YTHDF3: variants seen among roughly 807,000 people sequenced by gnomAD.
YTHDF3 encodes YTH domain-containing family protein 3.
In YTHDF3, 9 loss-of-function variants were observed where a neutral mutation model predicts 52.5. That is an observed-to-expected ratio of 0.17 (90% CI 0.10 to 0.30). The LOEUF is 0.30. YTHDF3 is among the 10% of genes least tolerant of loss of function. The pLI, the probability that YTHDF3 is intolerant of heterozygous loss-of-function variation, is 1.00. For missense variants in YTHDF3, 534 were observed against 715.0 expected, an observed-to-expected ratio of 0.75 and a Z score of 2.89; for synonymous variants, 274 against 243.3, an observed-to-expected ratio of 1.13 and a Z score of -1.18.
At chr8:63,198,338 C>T (rs993587160) in intron 4 of YTHDF3, among the ~76,000 whole-genome samples, 6 of 152,098 alleles carry the variant, frequency 3.9e-5, no homozygotes, top group Admixed American at 3.9e-4. Context: ...ACAATCTGGG[C>T]TCACTGCAGT....
intron 3 of YTHDF3, among the ~76,000 whole-genome samples, chr8:63,181,754 T>C (rs943889105): frequency 3.3e-5 from 5 of 152,232 alleles, no homozygotes; most frequent in Non-Finnish European, 5.9e-5. Context: ...ACGTTCTTTA[T>C]TTTTTGTCTC....
chr8:63,203,387 C>CA (rs1809771359), intron 4 of YTHDF3, among the ~76,000 whole-genome samples: 1 of 152,134 alleles, frequency 6.6e-6, no homozygotes, highest in Non-Finnish European at 1.5e-5. Flanking sequence ...TATATACACA[C>CA]ACACATATAT....
chr8:63,186,717 A>G lies in YTHDF3; in HGVS notation c.706A>G (p.Thr236Ala), dbSNP rs1585759092. ...PPVSSAAPKPTSWAAIARKPA... is the reference protein window; with the variant it reads ...PPVSSAAPKPASWAAIARKPA... Reference sequence around the variant, plus strand: ...AGTTAGCAGTGCAGCACCTAAACCAACCTCCTGGGCTGCCATTGCCAGAAA... The same window carrying G: ...AGTTAGCAGTGCAGCACCTAAACCAGCCTCCTGGGCTGCCATTGCCAGAAA... The change falls in exon 4 of 5, where the codon ACC becomes GCC. Residue 236 changes from threonine to alanine, a missense_variant. Coordinates refer to ENST00000539294, the MANE Select transcript of YTHDF3 (RefSeq NM_152758.6). 1 of 1,613,570 alleles carries G rather than the reference A, an allele frequency of 6.2e-7. No individual in the cohort carries two copies. The highest frequency in any genetic ancestry group is 8.5e-7 in the Non-Finnish European group (1 of 1,179,820).
intron 3 of YTHDF3, 122 bp from the exon 4 acceptor site, chr8:63,186,025 C>A: frequency 9.3e-7 from 1 of 1,074,518 alleles, no homozygotes; most frequent in Non-Finnish European, 1.3e-6. Flanking sequence ...TTTTGTTTAT[C>A]TAGAATAGGT....
Position 63,186,422 on chromosome 8 carries a change from G to A in YTHDF3, c.411G>A (p.Gly137=). 1.2e-6 allele frequency: 2 copies of A among 1,614,010 alleles called. No individual in the cohort carries two copies. Among genetic ancestry groups the A allele is most frequent in the Non-Finnish European group, 1.7e-6 (2 of 1,179,890 alleles). The change falls in exon 4 of 5, where the codon GGG becomes GGA. Residue 137 remains glycine (G), a synonymous_variant. Transcript: ENST00000539294. ...GTAATGCTGATTTCTCTACATGGGG[G>A]ACAAGTGGATCTCAGGGACAATCAA... ...FPGNADFSTW[G]TSGSQGQSTQ...
chr8:63,205,436 C>CTTTTTTTTTT (rs908105956), intron 4 of YTHDF3, among the ~76,000 whole-genome samples: 1 of 139,700 alleles, frequency 7.2e-6, no homozygotes, highest in Admixed American at 7.2e-5. Flanking sequence ...CTTTTTCTTT[C>CTTTTTTTTTT]TTTTTTTTTT....
At position 63,168,863 on chromosome 8, in the gene YTHDF3, G is replaced by A; in HGVS notation, c.-15G>A. On this transcript the variant is annotated 5_prime_UTR_variant, in exon 1 of 5. Transcript: ENST00000539294. ...GGCAGCGGCGGCGGCGGCGGCTCTC[G>A]GGTTGCGGTGAAGAATGTCAGCCAC... is the stretch of plus-strand genomic sequence containing the variant. 8 of 1,554,556 alleles carry A rather than the reference G, an allele frequency of 5.1e-6. No individual in the cohort carries two copies. The highest frequency in any genetic ancestry group is 7.0e-6 in the Non-Finnish European group (8 of 1,149,286).
rs765225130 is a variant in YTHDF3, at chr8:63,186,647, G to A, written c.636G>A (p.Leu212=). 2.5e-6 allele frequency: 4 copies of A among 1,613,966 alleles called. No homozygotes were observed. The highest frequency in any genetic ancestry group is 3.4e-6 in the Non-Finnish European group (4 of 1,179,892). The change falls in exon 4 of 5, where the codon TTG becomes TTA. Residue 212 remains leucine (L), a synonymous_variant. Coordinates refer to ENST00000539294, the MANE Select transcript of YTHDF3 (RefSeq NM_152758.6). The part of the protein sequence containing the change: ...AAVTKTVGTA[L]SSSGMTSIAT... ...TGACAAAAACTGTAGGTACAGCTTT[G>A]AGCAGCAGTGGTATGACTAGCATTG...
intron 4 of YTHDF3, 140 bp from the exon 5 acceptor site, chr8:63,209,543 A>G (rs1039683702): frequency 1.2e-6 from 1 of 800,694 alleles, no homozygotes; most frequent in Non-Finnish European, 1.9e-6. Context: ...GTAATTATCA[A>G]TTGTTTTTAA....
rs1300213696 is a variant in YTHDF3, at chr8:63,212,618, A to G, written c.*2912A>G. 2 of 152,580 alleles carry G rather than the reference A, an allele frequency of 1.3e-5. No individual in the cohort carries two copies. Among genetic ancestry groups the G allele is most frequent in the South Asian group, 2.1e-4 (1 of 4,824 alleles). The allele number at this position is 152,580 out of a possible 1,614,324, so 9.5% of individuals were successfully genotyped here. A position where few individuals can be genotyped will look rare whatever the true frequency, so the allele number is the denominator to read the frequency against. ...AAGGTTATGATAAAATGATTAGTTC[A>G]TTTACATTCACTTGTAGCAATTACA... On this transcript the variant is annotated 3_prime_UTR_variant, in exon 5 of 5. Transcript: ENST00000539294.
At chr8:63,199,382 C>T (rs558793191) in intron 4 of YTHDF3, among the ~76,000 whole-genome samples, 18 of 152,276 alleles carry the variant, frequency 1.2e-4, no homozygotes, top group African/African-American at 3.8e-4. Flanking sequence ...GCATGTTTTA[C>T]ATCCCTTGAA....
At chr8:63,180,526 A>G in intron 3 of YTHDF3, among the ~76,000 whole-genome samples, 1 of 150,902 alleles carries the variant, frequency 6.6e-6, no homozygotes, top group East Asian at 2.0e-4. Flanking sequence ...CACATCCCAG[A>G]CGATGGGCGG....
chr8:63,190,809 T>G (rs979306669), intron 4 of YTHDF3, among the ~76,000 whole-genome samples: 89 of 152,246 alleles, frequency 5.8e-4, no homozygotes, highest in Non-Finnish European at 1.2e-3. Context: ...GCTCTGTGAT[T>G]CGTGAATCAC....
chr8:63,187,374 C>G lies in YTHDF3; in HGVS notation c.1363C>G (p.Leu455Val). 1.2e-6 allele frequency: 2 copies of G among 1,613,972 alleles called. No individual in the cohort carries two copies. The highest frequency in any genetic ancestry group is 1.7e-6 in the Non-Finnish European group (2 of 1,179,890). The change falls in exon 4 of 5, where the codon CTG (leucine) becomes GTG (valine). Residue 455 changes from leucine (L) to valine (V), a missense_variant. Coordinates refer to ENST00000539294, the MANE Select transcript of YTHDF3 (RefSeq NM_152758.6). ...NKRLDAAYRS[L>V]NGKGPLYLLF... is the part of the protein sequence containing the mutation. ...GCGTTTGGATGCAGCTTACCGTTCCCTGAATGGGAAAGGCCCACTCTATTT... is the reference window on the plus strand; with the variant it reads ...GCGTTTGGATGCAGCTTACCGTTCCGTGAATGGGAAAGGCCCACTCTATTT...
At chr8:63,200,764 A>G (rs1013644926) in intron 4 of YTHDF3, among the ~76,000 whole-genome samples, 1 of 152,196 alleles carries the variant, frequency 6.6e-6, no homozygotes, top group Non-Finnish European at 1.5e-5. Context: ...TGTTATCTTT[A>G]TTTCTAGCAA....
chr8:63,200,412 T>C (rs947267314), intron 4 of YTHDF3, among the ~76,000 whole-genome samples: 9 of 151,196 alleles, frequency 6.0e-5, no homozygotes, highest in African/African-American at 9.7e-5. Context: ...TAAATTTCTT[T>C]TTCTTTTTTT....
At chr8:63,198,651 T>G (rs141873384) in intron 4 of YTHDF3, among the ~76,000 whole-genome samples, 34 of 152,300 alleles carry the variant, frequency 2.2e-4, no homozygotes, top group African/African-American at 7.2e-4. Flanking sequence ...GAGATGATGT[T>G]AGGTCTATCT....
chr8:63,183,967 T>C (rs766800086), intron 3 of YTHDF3, among the ~76,000 whole-genome samples: 5 of 152,222 alleles, frequency 3.3e-5, no homozygotes, highest in Non-Finnish European at 5.9e-5. Context: ...CTCTGGGTTA[T>C]TTATAATACC....
chr8:63,204,355 TTTG>T (rs1554540538), intron 4 of YTHDF3, among the ~76,000 whole-genome samples: 1 of 151,214 alleles, frequency 6.6e-6, no homozygotes, highest in South Asian at 2.1e-4. Flanking sequence ...TTTTTGTGTG[TTTG>T]TTGTTTTTTT....
Sources: allele counts gnomAD v4.1 joint callset (sites outside exome capture counted in the v4.1 genomes callset), GRCh38; gene constraint gnomAD v4.1.1; transcripts MANE v1.5; gene names NCBI Gene and HGNC (gene_info 2026-07-23, HGNC 2026-07-21).